The following GREM1 variants were observed in gnomAD, a reference collection of about 807,000 sequenced individuals.
GREM1 encodes the protein gremlin 1, DAN family BMP antagonist, also known as gremlin-1.
In GREM1, 6 loss-of-function variants were observed where a neutral mutation model predicts 13.1. The ratio of observed to expected loss-of-function variants is 0.46; its 90% CI spans 0.25 to 0.91. The LOEUF (loss-of-function observed/expected upper bound fraction) is 0.91. Among genes scored for constraint, GREM1 ranks in the 40% least tolerant of loss-of-function variants. The pLI is 0.18. For synonymous variants in GREM1, 98 were observed against 93.7 expected (o/e 1.05, Z -0.27); for missense variants, 185 against 233.9 (o/e 0.79, Z 1.36).
At chr15:32,726,183 A>T (rs937919849) in intron 1 of GREM1, among the ~76,000 whole-genome samples, 1 of 152,200 alleles carries the variant, frequency 6.6e-6, no homozygotes, top group African/African-American at 2.4e-5. Flanking sequence ...TCCACCCCAA[A>T]TCAACAGAAT....
At chr15:32,719,786 A>C (rs2055374116) in intron 1 of GREM1, among the ~76,000 whole-genome samples, 1 of 152,246 alleles carries the variant, frequency 6.6e-6, no homozygotes, top group South Asian at 2.1e-4. Context: ...ATAGCGTAGA[A>C]GAGGTTAAGA....
rs1205536481 is a variant in GREM1, at chr15:32,742,081, T to G, written c.*10836T>G. 8.5e-5 allele frequency: 13 copies of G among 152,204 alleles called. No individual in the cohort carries two copies. The highest frequency in any genetic ancestry group is 8.5e-4 in the Admixed American group (13 of 15,294). The allele number at this position is 152,204 out of a possible 1,614,324, so 9.4% of individuals were successfully genotyped here. A position where few individuals can be genotyped will look rare whatever the true frequency, so the allele number is the denominator to read the frequency against. On this transcript the variant is annotated 3_prime_UTR_variant, in exon 2 of 2. Coordinates refer to ENST00000651154, the MANE Select transcript of GREM1 (RefSeq NM_013372.7). The stretch of plus-strand genomic sequence containing the variant: ...ATGTTAAATTTGGTTTGCCAGTATT[T>G]TGTTGAGGATTTTTGCATCTATATA...
Position 32,733,250 on chromosome 15 carries a change from G to A in GREM1, c.*2005G>A. ...ACATTCTCCAACAATAAAGCACAGAGTGGATTTAATTAAGCACACAAATGC... is the reference window on the plus strand; with the variant it reads ...ACATTCTCCAACAATAAAGCACAGAATGGATTTAATTAAGCACACAAATGC... On this transcript the variant is annotated 3_prime_UTR_variant, in exon 2 of 2. Transcript: ENST00000651154. The A allele has an allele frequency of 4.4e-6, 1 of 225,400 alleles. No homozygotes were observed. Among genetic ancestry groups the A allele is most frequent in the Non-Finnish European group, 9.6e-6 (1 of 103,774 alleles). The allele number at this position is 225,400 out of a possible 1,614,324, so 14.0% of individuals were successfully genotyped here. A position where few individuals can be genotyped will look rare whatever the true frequency, so the allele number is the denominator to read the frequency against.
chr15:32,741,543 T>C lies in GREM1; in HGVS notation c.*10298T>C. On this transcript the variant is annotated 3_prime_UTR_variant, in exon 2 of 2. Coordinates refer to ENST00000651154, the MANE Select transcript of GREM1 (RefSeq NM_013372.7). ...TTGATTTTGTATCCTCCAACTTTAC[T>C]GAATTTATTAGTTCTAACAGTTTTT... 6.6e-6 allele frequency: 1 copy of C among 152,166 alleles called. No homozygotes were observed. The highest frequency in any genetic ancestry group is 2.1e-4 in the South Asian group (1 of 4,826). 9.4% of individuals were successfully genotyped at this position (152,166 alleles called of 1,614,324 possible). A position where few individuals can be genotyped will look rare whatever the true frequency, so the allele number is the denominator to read the frequency against.
chr15:32,718,400 CG>C, intron 1 of GREM1: 1 of 485,406 alleles, frequency 2.1e-6, no homozygotes, highest in Non-Finnish European at 4.1e-6. Context: ...TTGTCAGGAG[CG>C]GGCAGGATGA....
intron 1 of GREM1, among the ~76,000 whole-genome samples, chr15:32,726,217 C>T (rs760510701): frequency 1.3e-5 from 2 of 152,218 alleles, no homozygotes; most frequent in African/African-American, 4.8e-5. Context: ...AGTATCGCAT[C>T]GCACTTATTC....
chr15:32,732,943 G>C lies in GREM1; in HGVS notation c.*1698G>C. ...TATGGAAAACAAACACTGCAGACTT[G>C]AGATTCAGTTGCCGATCAAGGCTCT... On this transcript the variant is annotated 3_prime_UTR_variant, in exon 2 of 2. Transcript: ENST00000651154. 4.5e-6 allele frequency: 1 copy of C among 221,984 alleles called. No individual in the cohort carries two copies. Among genetic ancestry groups the C allele is most frequent in the Non-Finnish European group, 9.9e-6 (1 of 101,478 alleles). 13.8% of individuals were successfully genotyped at this position (221,984 alleles called of 1,614,324 possible).
chr15:32,718,260 G>C (rs773809032), intron 1 of GREM1, 99 bp downstream of exon 1: 2 of 944,194 alleles, frequency 2.1e-6, no homozygotes, highest in South Asian at 2.7e-5. Flanking sequence ...GCAGCCCTCC[G>C]TGCGCGCAGG....
intron 1 of GREM1, among the ~76,000 whole-genome samples, chr15:32,725,405 CAT>C (rs1401814756): frequency 3.3e-5 from 5 of 152,146 alleles, no homozygotes; most frequent in African/African-American, 9.7e-5. Context: ...AGCTTTTTCT[CAT>C]ATGTTTGCTG....
In GREM1 at chr15:32,744,930, C is replaced by T. The variant is rs2055793317; in HGVS notation, c.*13685C>T. 6.6e-6 allele frequency: 1 copy of T among 152,234 alleles called. No individual in the cohort carries two copies. The highest frequency in any genetic ancestry group is 2.4e-5 in the African/African-American group (1 of 41,548). The allele number at this position is 152,234 out of a possible 1,614,324, so 9.4% of individuals were successfully genotyped here. A position where few individuals can be genotyped will look rare whatever the true frequency, so the allele number is the denominator to read the frequency against. ...AATCCTGGCATTGTCTGCTTTGTTA[C>T]TTGTTAAAAACTTGATTTCGTAGAT... On this transcript the variant is annotated 3_prime_UTR_variant, in exon 2 of 2. Coordinates refer to ENST00000651154, the MANE Select transcript of GREM1 (RefSeq NM_013372.7).
At position 32,743,627 on chromosome 15, in the gene GREM1, A is replaced by G. The variant is rs1434168976; in HGVS notation, c.*12382A>G. 1 of 152,352 alleles carries G rather than the reference A, an allele frequency of 6.6e-6. No homozygotes were observed. The highest frequency in any genetic ancestry group is 1.5e-5 in the Non-Finnish European group (1 of 68,130). The allele number at this position is 152,352 out of a possible 1,614,324, so 9.4% of individuals were successfully genotyped here. A position where few individuals can be genotyped will look rare whatever the true frequency, so the allele number is the denominator to read the frequency against. On this transcript the variant is annotated 3_prime_UTR_variant, in exon 2 of 2. Coordinates refer to ENST00000651154, the MANE Select transcript of GREM1 (RefSeq NM_013372.7). Reference sequence around the variant, plus strand: ...TGTCAGTAGGGGGCTGCAATTATCTAAAGGCTTGCCTGGGGCTGGAGACGC... The same window carrying G: ...TGTCAGTAGGGGGCTGCAATTATCTGAAGGCTTGCCTGGGGCTGGAGACGC...
intron 1 of GREM1, among the ~76,000 whole-genome samples, chr15:32,720,519 A>T (rs2055387739): frequency 6.6e-6 from 1 of 152,316 alleles, no homozygotes; most frequent in Non-Finnish European, 1.5e-5. Context: ...AAGGAAAGGC[A>T]GGTGGGGGAC....
rs1316851882 is a variant in GREM1 at position 32,732,306 on chromosome 15, AT to A, written c.*1064del. On this transcript the variant is annotated 3_prime_UTR_variant, in exon 2 of 2. Coordinates refer to ENST00000651154, the MANE Select transcript of GREM1 (RefSeq NM_013372.7). ...CCTTTATCGTGGTTATAGTCAGCTCATTTCCATTCCACTATTTCCCATAATG... is the reference window on the plus strand; with the variant it reads ...CCTTTATCGTGGTTATAGTCAGCTCATTCCATTCCACTATTTCCCATAATG... 4.2e-6 allele frequency: 1 copy of A among 238,980 alleles called. No individual in the cohort carries two copies. The allele number at this position is 238,980 out of a possible 1,614,324, so 14.8% of individuals were successfully genotyped here.
Position 32,737,958 on chromosome 15 carries a change from C to T in GREM1, c.*6713C>T, listed in dbSNP as rs1404879632. The T allele has an allele frequency of 6.1e-4, 47 of 77,292 alleles. No homozygotes were observed. Among genetic ancestry groups the T allele is most frequent in the African/African-American group, 1.8e-3 (43 of 24,296 alleles). The allele number at this position is 77,292 out of a possible 1,614,324, so 4.8% of individuals were successfully genotyped here. A position where few individuals can be genotyped will look rare whatever the true frequency, so the allele number is the denominator to read the frequency against. ...AAAAAAAAAAAAAGAAAAGAAAAACCCACAGCTAACATCATACTTAAAGGT... is the reference window on the plus strand; with the variant it reads ...AAAAAAAAAAAAAGAAAAGAAAAACTCACAGCTAACATCATACTTAAAGGT... On this transcript the variant is annotated 3_prime_UTR_variant, in exon 2 of 2. Transcript: ENST00000651154.
intron 1 of GREM1, chr15:32,718,507 G>C (rs1048081826): frequency 4.4e-6 from 2 of 459,708 alleles, no homozygotes; most frequent in Non-Finnish European, 8.7e-6. Flanking sequence ...TAGCGAGGGC[G>C]CGAAGTCCAG....
rs1250281452 is a variant in GREM1, at chr15:32,736,365, G to T, written c.*5120G>T. ...GAGATTTTCATAGGGACTTTGAAAA[G>T]CTCCAAAGTGTTATTGGCAATCTAG... On this transcript the variant is annotated 3_prime_UTR_variant, in exon 2 of 2. Transcript: ENST00000651154. 1 of 152,152 alleles carries T rather than the reference G, an allele frequency of 6.6e-6. No individual in the cohort carries two copies. Among genetic ancestry groups the T allele is most frequent in the Non-Finnish European group, 1.5e-5 (1 of 68,034 alleles). 9.4% of individuals were successfully genotyped at this position (152,152 alleles called of 1,614,324 possible).
Position 32,736,847 on chromosome 15 carries a change from A to G in GREM1, c.*5602A>G, listed in dbSNP as rs978395206. Reference sequence around the variant, plus strand: ...ACTTTCTAAACATCATAAAAAGCCCAAACCAGTCTCCTTTCCTGGCTCTCT... The same window carrying G: ...ACTTTCTAAACATCATAAAAAGCCCGAACCAGTCTCCTTTCCTGGCTCTCT... On this transcript the variant is annotated 3_prime_UTR_variant, in exon 2 of 2. Transcript: ENST00000651154. 3 of 152,230 alleles carry G rather than the reference A, an allele frequency of 2.0e-5. No individual in the cohort carries two copies. The highest frequency in any genetic ancestry group is 6.5e-5 in the Admixed American group (1 of 15,278). 9.4% of individuals were successfully genotyped at this position (152,230 alleles called of 1,614,324 possible).
rs1404465843 is a variant in GREM1 at position 32,735,606 on chromosome 15, G to A, written c.*4361G>A. 1 of 152,118 alleles carries A rather than the reference G, an allele frequency of 6.6e-6. No homozygotes were observed. The highest frequency in any genetic ancestry group is 2.4e-5 in the African/African-American group (1 of 41,428). The allele number at this position is 152,118 out of a possible 1,614,324, so 9.4% of individuals were successfully genotyped here. On this transcript the variant is annotated 3_prime_UTR_variant, in exon 2 of 2. Transcript: ENST00000651154. ...CCAAGATCTGAAGCATTCAGTCAAA[G>A]CCTCTTGGCCACCTCTCTTTTTGTC...
Position 32,743,956 on chromosome 15 carries a change from GAGTGAC to G in GREM1, c.*12712_*12717del, listed in dbSNP as rs2055783690. 4 of 152,138 alleles carry G rather than the reference GAGTGAC, an allele frequency of 2.6e-5. No individual in the cohort carries two copies. Among genetic ancestry groups the G allele is most frequent in the African/African-American group, 9.7e-5 (4 of 41,432 alleles). 9.4% of individuals were successfully genotyped at this position (152,138 alleles called of 1,614,324 possible). ...ACGACTTAGTAACTGGCTTCCTCTAGAGTGACTAATCCAAGAGACAGCAAGGATTGA... is the reference window on the plus strand; with the variant it reads ...ACGACTTAGTAACTGGCTTCCTCTAGTAATCCAAGAGACAGCAAGGATTGA... On this transcript the variant is annotated 3_prime_UTR_variant, in exon 2 of 2. Coordinates refer to ENST00000651154, the MANE Select transcript of GREM1 (RefSeq NM_013372.7).
Sources: allele counts gnomAD v4.1 joint callset (sites outside exome capture counted in the v4.1 genomes callset), GRCh38; gene constraint gnomAD v4.1.1; transcripts MANE v1.5; gene names NCBI Gene and HGNC (gene_info 2026-07-23, HGNC 2026-07-21).